Variants in ASS1 observed in about 807,000 individuals in gnomAD.
ASS1 encodes argininosuccinate synthase.
A neutral mutation model predicts 60.5 loss-of-function variants in ASS1; 58 were observed. That is an observed-to-expected ratio of 0.96 (90% CI 0.78 to 1.19). The LOEUF is 1.19. ASS1 is among the 50% of genes most tolerant of loss of function. ASS1 has a pLI of 0.00. For synonymous variants in ASS1, 200 were observed against 206.9 expected (o/e 0.97, Z 0.29); for missense variants, 454 against 547.3 (o/e 0.83, Z 1.70).
chr9:130,501,117 T>C lies in ASS1; in HGVS notation c.*96T>C. On this transcript the variant is annotated 3_prime_UTR_variant, in exon 15 of 15. Transcript: ENST00000352480. ...GATAATTTGTAATTGTGACTTGTTCTCCCCGGCTGGCAGCGTAGTGGGGCT... is the reference window on the plus strand; with the variant it reads ...GATAATTTGTAATTGTGACTTGTTCCCCCCGGCTGGCAGCGTAGTGGGGCT... 1 of 1,406,540 alleles carries C rather than the reference T, an allele frequency of 7.1e-7. No homozygotes were observed. Among genetic ancestry groups the C allele is most frequent in the Non-Finnish European group, 9.9e-7 (1 of 1,007,018 alleles). 87.1% of individuals were successfully genotyped at this position (1,406,540 alleles called of 1,614,324 possible).
chr9:130,495,193 C>G, intron 13 of ASS1, among the ~76,000 whole-genome samples, 170 bp downstream of exon 13: 1 of 152,092 alleles, frequency 6.6e-6, no homozygotes, highest in Admixed American at 6.6e-5. Context: ...TACAGGCTAG[C>G]TGGGAGAAAG....
chr9:130,490,121 G>A (rs1254855106), intron 12 of ASS1, among the ~76,000 whole-genome samples: 1 of 152,238 alleles, frequency 6.6e-6, no homozygotes, highest in Admixed American at 6.5e-5. Context: ...TGAGGCGGGG[G>A]TGTCCCCGTT....
At chr9:130,475,915 C>A (rs536821817) in intron 8 of ASS1, among the ~76,000 whole-genome samples, 3 of 152,104 alleles carry the variant, frequency 2.0e-5, no homozygotes, top group Admixed American at 6.5e-5. Context: ...TGCCGCCATA[C>A]CCGGATAATT....
chr9:130,480,060 C>T (rs1387112858), intron 10 of ASS1, among the ~76,000 whole-genome samples: 2 of 152,238 alleles, frequency 1.3e-5, no homozygotes, highest in East Asian at 1.9e-4. Context: ...CTCTCAGGCC[C>T]TTGGCTGGAT....
Position 130,488,391 on chromosome 9 carries a change from AG to A in ASS1, c.839-939del, listed in dbSNP as rs901798526. Among the ~76,000 whole-genome samples the A allele has an allele frequency of 2.4e-4, 37 of 152,170 alleles. No homozygotes were observed. Among genetic ancestry groups the A allele is most frequent in the African/African-American group, 8.7e-4 (36 of 41,536 alleles). ...AGCAGCTGCAGGGCAGGCTTGCCCA[AG>A]GGCCAGCTCTGAAGTTGATGCGAGA... On this transcript the variant is annotated intron_variant, in intron 11 of 14. Coordinates refer to ENST00000352480, the MANE Select transcript of ASS1 (RefSeq NM_054012.4). This position sits in a 1 kb window ranked among gnomAD's most constrained non-coding sequence, Gnocchi z 5.2.
At position 130,480,384 on chromosome 9, in the gene ASS1, G is replaced by A; in HGVS notation, c.774-1G>A. 2 of 1,614,222 alleles carry A rather than the reference G, an allele frequency of 1.2e-6. No individual in the cohort carries two copies. Among genetic ancestry groups the A allele is most frequent in the Non-Finnish European group, 8.5e-7 (1 of 1,180,038 alleles). On this transcript the variant is annotated splice_acceptor_variant, in intron 10 of 14. Transcript: ENST00000352480. LOFTEE classifies it high-confidence loss of function. ...ACCTAATGGACCAGTTCTTCCCACA[G>A]GGGCAAGCATGGCGTGGGCCGTATT...
At position 130,476,732 on chromosome 9, in the gene ASS1, G is replaced by T; in HGVS notation, c.598-139G>T. On this transcript the variant is annotated intron_variant, in intron 8 of 14. Transcript: ENST00000352480. The surrounding 1 kb of genome is among the most constrained non-coding windows in gnomAD (Gnocchi z 4.9). ...AGGCTGGTGCTAGGCTGAGGGCTGG[G>T]GACCGGGGGATCTGCCGGACCCCAC... 1.2e-6 allele frequency: 1 copy of T among 831,594 alleles called. No homozygotes were observed. Among genetic ancestry groups the T allele is most frequent in the East Asian group, 2.5e-5 (1 of 40,556 alleles). 51.5% of individuals were successfully genotyped at this position (831,594 alleles called of 1,614,324 possible). A position where few individuals can be genotyped will look rare whatever the true frequency, so the allele number is the denominator to read the frequency against.
At position 130,459,740 on chromosome 9, in the gene ASS1, T is replaced by C. The variant is rs1845542326; in HGVS notation, c.363+1151T>C. 6.6e-6 allele frequency among the ~76,000 whole-genome samples: 1 copy of C among 152,216 alleles called. No homozygotes were observed. Among genetic ancestry groups the C allele is most frequent in the Non-Finnish European group, 1.5e-5 (1 of 68,024 alleles). ...GTGGGCCACCATGCCCAGCCTTAAC[T>C]TGGTTATTTCTGTTAAGACCACATG... is the stretch of plus-strand genomic sequence containing the variant. On this transcript the variant is annotated intron_variant, in intron 4 of 14. Coordinates refer to ENST00000352480, the MANE Select transcript of ASS1 (RefSeq NM_054012.4). This position sits in a 1 kb window ranked among gnomAD's most constrained non-coding sequence, Gnocchi z 4.6.
chr9:130,496,996 A>G (rs544701), intron 13 of ASS1, among the ~76,000 whole-genome samples: 18,523 of 152,258 alleles, frequency 0.12, 1,789 homozygotes, highest in East Asian at 0.46. Context: ...TCTCCTTGCC[A>G]TGTTGAGTTT....
In ASS1 at chr9:130,459,495, G is replaced by A. The variant is rs902003960; in HGVS notation, c.363+906G>A. Reference sequence around the variant, plus strand: ...CGCCCAGGCTGGAGTGCAGTGGCTCGATCTTGGCTCACTGCAACCTCTGCC... The same window carrying A: ...CGCCCAGGCTGGAGTGCAGTGGCTCAATCTTGGCTCACTGCAACCTCTGCC... On this transcript the variant is annotated intron_variant, in intron 4 of 14. Transcript: ENST00000352480. The surrounding 1 kb of genome is among the most constrained non-coding windows in gnomAD (Gnocchi z 4.6). Among the ~76,000 whole-genome samples the A allele has an allele frequency of 2.6e-5, 4 of 151,972 alleles. No homozygotes were observed. Among genetic ancestry groups the A allele is most frequent in the African/African-American group, 9.7e-5 (4 of 41,346 alleles).
At chr9:130,496,082 C>T (rs770755386) in intron 13 of ASS1, among the ~76,000 whole-genome samples, 4 of 152,014 alleles carry the variant, frequency 2.6e-5, no homozygotes, top group African/African-American at 4.8e-5. Context: ...TTCTCTGAAG[C>T]GCTGGGCCAA....
chr9:130,455,947 A>C (rs1375221961), intron 3 of ASS1, among the ~76,000 whole-genome samples: 1 of 152,300 alleles, frequency 6.6e-6, no homozygotes, highest in Non-Finnish European at 1.5e-5. Context: ...GTGCCTCCCG[A>C]GTGCTGGAGA....
intron 3 of ASS1, 28 bp downstream of exon 3, chr9:130,454,401 C>G: frequency 6.2e-7 from 1 of 1,608,694 alleles, no homozygotes; most frequent in Non-Finnish European, 8.5e-7. Flanking sequence ...GGGATTTGGG[C>G]TGGGAGTGGG....
At position 130,501,136 on chromosome 9, in the gene ASS1, T is replaced by G; in HGVS notation, c.*115T>G. On this transcript the variant is annotated 3_prime_UTR_variant, in exon 15 of 15. Transcript: ENST00000352480. ...TTGTTCTCCCCGGCTGGCAGCGTAG[T>G]GGGGCTGCCAGGCCCCAGCTTTGTT... The G allele has an allele frequency of 8.3e-7, 1 of 1,209,968 alleles. No individual in the cohort carries two copies. The highest frequency in any genetic ancestry group is 1.2e-6 in the Non-Finnish European group (1 of 831,704). The allele number at this position is 1,209,968 out of a possible 1,614,324, so 75.0% of individuals were successfully genotyped here.
intron 5 of ASS1, chr9:130,466,517 A>G: frequency 1.6e-6 from 1 of 624,254 alleles, no homozygotes; most frequent in Non-Finnish European, 2.9e-6. Flanking sequence ...CATGGAGTGC[A>G]GGCTCCGTCC....
At chr9:130,473,010 G>A (rs1280807230) in intron 8 of ASS1, among the ~76,000 whole-genome samples, 2 of 152,160 alleles carry the variant, frequency 1.3e-5, no homozygotes, top group South Asian at 2.1e-4. Flanking sequence ...GAGGGCATCC[G>A]GGGCCTGGAG....
chr9:130,465,607 G>C (rs923821573), intron 5 of ASS1, among the ~76,000 whole-genome samples: 1 of 152,232 alleles, frequency 6.6e-6, no homozygotes, highest in Non-Finnish European at 1.5e-5. Context: ...CTCTTTTGAG[G>C]CCGCTTTGGG....
intron 1 of ASS1, among the ~76,000 whole-genome samples, chr9:130,449,296 T>C (rs915500905): frequency 2.0e-5 from 3 of 146,442 alleles, no homozygotes; most frequent in African/African-American, 7.6e-5. Context: ...TGAGCTGAGA[T>C]TGCATCACTG....
chr9:130,460,537 G>C (rs1273213489), intron 4 of ASS1, among the ~76,000 whole-genome samples: 1 of 152,178 alleles, frequency 6.6e-6, no homozygotes, highest in Non-Finnish European at 1.5e-5. Context: ...CTGAGGATGA[G>C]TCTAGAGGAG....
Sources: allele counts gnomAD v4.1 joint callset (sites outside exome capture counted in the v4.1 genomes callset), GRCh38; gene constraint gnomAD v4.1.1; non-coding constraint Gnocchi (gnomAD v3.1); transcripts MANE v1.5; gene names NCBI Gene and HGNC (gene_info 2026-07-23, HGNC 2026-07-21).